MALRD1: variants seen among roughly 807,000 people sequenced by gnomAD.
MALRD1 encodes the protein MAM and LDL receptor class A domain containing 1, also known as MAM and LDL-receptor class A domain-containing protein 1.
MALRD1 carries 247 observed loss-of-function variants against 242.1 expected under a neutral mutation model. The ratio of observed to expected loss-of-function variants is 1.02; its 90% CI spans 0.92 to 1.13. MALRD1 has a LOEUF of 1.13. Ranked by LOEUF, MALRD1 falls within the 50% of genes most tolerant of loss-of-function variation. MALRD1 has a pLI of 0.00. For missense variants in MALRD1, 2,989 were observed against 2,533.1 expected, an observed-to-expected ratio of 1.18 and a Z score of -3.86; for synonymous variants, 995 against 866.6, an observed-to-expected ratio of 1.15 and a Z score of -2.60.
At chr10:19,501,213 T>C (rs1373877741) in intron 31 of MALRD1, among the ~76,000 whole-genome samples, 1 of 152,176 alleles carries the variant, frequency 6.6e-6, no homozygotes, top group Non-Finnish European at 1.5e-5. Context: ...TTGGAAGGTG[T>C]CTCAACCTGG....
chr10:19,465,964 T>G (rs983807360), intron 29 of MALRD1, among the ~76,000 whole-genome samples: 1 of 152,220 alleles, frequency 6.6e-6, no homozygotes, highest in African/African-American at 2.4e-5. Flanking sequence ...CTTTAAATTC[T>G]CACCAAACTT....
At chr10:19,294,793 T>G (rs1387857959) in intron 21 of MALRD1, among the ~76,000 whole-genome samples, 1 of 152,176 alleles carries the variant, frequency 6.6e-6, no homozygotes, top group Non-Finnish European at 1.5e-5. Flanking sequence ...AATTTCTTTT[T>G]TTCACTATGG....
At chr10:19,295,838 G>C (rs1841667600) in intron 21 of MALRD1, among the ~76,000 whole-genome samples, 1 of 152,078 alleles carries the variant, frequency 6.6e-6, no homozygotes, top group Non-Finnish European at 1.5e-5. Context: ...CAGGAATCTT[G>C]GGCTCATTCC....
At position 19,700,021 on chromosome 10, in the gene MALRD1, G is replaced by GACACAC. The variant is rs58040272; in HGVS notation, c.6314+7502_6314+7507dup. Among the ~76,000 whole-genome samples the GACACAC allele has an allele frequency of 4.8e-3, 682 of 141,268 alleles. 6 individuals are homozygous for GACACAC. Among genetic ancestry groups the GACACAC allele is most frequent in the African/African-American group, 0.013 (497 of 38,372 alleles). 92.7% of individuals were successfully genotyped at this position (141,268 alleles called of 152,430 possible). On this transcript the variant is annotated intron_variant, in intron 38 of 39. Coordinates refer to ENST00000454679, the MANE Select transcript of MALRD1 (RefSeq NM_001142308.3). The stretch of plus-strand genomic sequence containing the variant: ...AAGGGTCCCAAGTGAAATTGATTTA[G>GACACAC]ACACACACACACACACACACACACA...
chr10:19,381,060 TC>T (rs1366437483), intron 26 of MALRD1, among the ~76,000 whole-genome samples: 1 of 77,986 alleles, frequency 1.3e-5, no homozygotes, highest in Non-Finnish European at 2.4e-5. Flanking sequence ...CCCTCCCCCC[TC>T]CCCCCACCCC....
chr10:19,341,913 C>G (rs1391349543), intron 24 of MALRD1, among the ~76,000 whole-genome samples: 1 of 151,972 alleles, frequency 6.6e-6, no homozygotes, highest in Non-Finnish European at 1.5e-5. Flanking sequence ...CACTTTATCC[C>G]TCAGGATGTT....
chr10:19,559,413 G>T (rs1242683460), intron 32 of MALRD1, among the ~76,000 whole-genome samples: 4 of 151,964 alleles, frequency 2.6e-5, no homozygotes, highest in Admixed American at 2.6e-4. Context: ...ATTCAATGCT[G>T]TAAAATTTTC....
At chr10:19,204,868 C>T (rs1309761214) in intron 16 of MALRD1, 30 bp from the exon 17 acceptor site, 2 of 1,508,858 alleles carry the variant, frequency 1.3e-6, no homozygotes, top group South Asian at 2.6e-5. Flanking sequence ...CTATAAATCA[C>T]TTCCATTTCT....
chr10:19,416,964 T>G (rs991638459), intron 28 of MALRD1, among the ~76,000 whole-genome samples: 1 of 152,238 alleles, frequency 6.6e-6, no homozygotes, highest in Non-Finnish European at 1.5e-5. Context: ...TGATGAACAC[T>G]TCGCTACCTG....
chr10:19,692,886 T>TATATATAA (rs373717863), intron 38 of MALRD1, among the ~76,000 whole-genome samples: 90,379 of 136,706 alleles, frequency 0.66, 32,868 homozygotes, highest in Non-Finnish European at 0.79. Context: ...TATATATATA[T>TATATATAA]AATTTCATCC....
At chr10:19,132,044 C>A (rs1007450123) in intron 8 of MALRD1, among the ~76,000 whole-genome samples, 2 of 152,172 alleles carry the variant, frequency 1.3e-5, no homozygotes, top group Non-Finnish European at 2.9e-5. Context: ...TCACTGTGTA[C>A]TATGAACTTG....
At chr10:19,291,265 C>T (rs1841409642) in intron 21 of MALRD1, among the ~76,000 whole-genome samples, 1 of 152,094 alleles carries the variant, frequency 6.6e-6, no homozygotes, top group Admixed American at 6.6e-5. Flanking sequence ...TCATTGGTTT[C>T]TAACTCTGCT....
chr10:19,056,672 T>G (rs1233891342), intron 1 of MALRD1, among the ~76,000 whole-genome samples: 1 of 152,222 alleles, frequency 6.6e-6, no homozygotes, highest in African/African-American at 2.4e-5. Context: ...GAATTCCTTT[T>G]ATTTCTTTCT....
chr10:19,514,325 A>G (rs559374504), intron 31 of MALRD1, among the ~76,000 whole-genome samples: 3 of 152,326 alleles, frequency 2.0e-5, no homozygotes, highest in Non-Finnish European at 4.4e-5. Flanking sequence ...AATATAATTG[A>G]AATAAGGTTT....
At chr10:19,539,876 G>A (rs1479585320) in intron 32 of MALRD1, among the ~76,000 whole-genome samples, 6 of 78,974 alleles carry the variant, frequency 7.6e-5, no homozygotes, top group Non-Finnish European at 1.5e-4. Flanking sequence ...GTGTGTGTGT[G>A]TGTGTGTGTG....
chr10:19,498,787 T>C (rs537104897), intron 31 of MALRD1, 141 bp downstream of exon 31: 1 of 991,882 alleles, frequency 1.0e-6, no homozygotes, highest in Non-Finnish European at 1.4e-6. Context: ...AGGGCTAGTC[T>C]CTTCTATTGC....
chr10:19,339,963 A>T (rs1287707056), intron 24 of MALRD1, among the ~76,000 whole-genome samples: 3 of 152,096 alleles, frequency 2.0e-5, no homozygotes, highest in African/African-American at 7.2e-5. Flanking sequence ...CAGAAGAGAG[A>T]GAACGAAGGA....
intron 28 of MALRD1, among the ~76,000 whole-genome samples, chr10:19,420,387 T>C (rs932959262): frequency 1.3e-5 from 2 of 152,154 alleles, no homozygotes; most frequent in African/African-American, 4.8e-5. Flanking sequence ...GAATTGAACA[T>C]ACTGACATAT....
chr10:19,283,109 G>C lies in MALRD1; in HGVS notation c.3347G>C (p.Arg1116Thr). 6.5e-7 allele frequency: 1 copy of C among 1,549,648 alleles called. No individual in the cohort carries two copies. The highest frequency in any genetic ancestry group is 2.4e-5 in the East Asian group (1 of 40,852). Residue 1116 changes from arginine to threonine, a missense_variant, in exon 21 of 40, where the codon AGG becomes ACG. Transcript: ENST00000454679. ...VHLLQDSNTF[R>T]WGLGNGISIH... ...TTGCTTCAAGATTCAAACACATTCA[G>C]GTGGGGGCTTGGGAACGGGATCAGC...
Sources: gnomAD v4.1 joint callset for allele counts (sites outside exome capture counted in the v4.1 genomes callset) on GRCh38, gnomAD v4.1.1 for gene constraint, MANE v1.5 for transcripts, NCBI Gene and HGNC (gene_info 2026-07-23, HGNC 2026-07-21) for gene names.